The following DENND6A variants were observed in gnomAD, a reference collection of about 807,000 sequenced individuals.
DENND6A encodes protein DENND6A.
In DENND6A, 43 loss-of-function variants were observed where a neutral mutation model predicts 95.5. The observed-to-expected ratio is 0.45, with a 90% CI of 0.35 to 0.58. The LOEUF (loss-of-function observed/expected upper bound fraction) is 0.58, where lower values mean the gene tolerates loss of function less well. Among genes scored for constraint, DENND6A ranks in the 20% least tolerant of loss-of-function variants. The probability of loss-of-function intolerance (pLI) is 0.00; values close to 1 mark genes in which losing one functional copy is unlikely to be tolerated. For synonymous variants in DENND6A, 257 were observed against 260.4 expected (o/e 0.99, Z 0.13); for missense variants, 574 against 736.0 (o/e 0.78, Z 2.55).
In DENND6A at chr3:57,634,811, A is replaced by G. The variant is rs554981812; in HGVS notation, c.1133-42T>C. On this transcript the variant is annotated intron_variant, in intron 12 of 19. Transcript: ENST00000311128. ...AAAGATTTTTATAATTATTCTAATC[A>G]TACATATTACAAAATTGGAACTTTA... 3.4e-6 allele frequency: 5 copies of G among 1,449,486 alleles called. No individual in the cohort carries two copies. The Admixed American group carries it at 1.2e-4, about 34-fold the overall frequency. 89.8% of individuals were successfully genotyped at this position (1,449,486 alleles called of 1,614,324 possible). A position where few individuals can be genotyped will look rare whatever the true frequency, so the allele number is the denominator to read the frequency against.
chr3:57,644,817 A>T (rs1431112205), intron 11 of DENND6A, among the ~76,000 whole-genome samples: 1 of 34,706 alleles, frequency 2.9e-5, no homozygotes, highest in Non-Finnish European at 5.1e-5. Flanking sequence ...AGGGGAGGGG[A>T]GGGGGAAAGA....
intron 1 of DENND6A, among the ~76,000 whole-genome samples, chr3:57,684,415 A>G (rs1303819437): frequency 1.3e-5 from 2 of 152,130 alleles, no homozygotes; most frequent in East Asian, 1.9e-4. Context: ...GTGAGCTGAG[A>G]TCGTGCCACT....
intron 9 of DENND6A, among the ~76,000 whole-genome samples, chr3:57,656,654 T>TA (rs1160131697): frequency 3.3e-5 from 5 of 151,740 alleles, no homozygotes; most frequent in South Asian, 4.1e-4. Flanking sequence ...TTACAAGTCA[T>TA]AAAAAACAAA....
At chr3:57,633,800 G>T (rs946006929) in intron 14 of DENND6A, among the ~76,000 whole-genome samples, 4 of 151,850 alleles carry the variant, frequency 2.6e-5, no homozygotes, top group African/African-American at 9.7e-5. Flanking sequence ...TGAGACAGAA[G>T]AATTGCTTGA....
At chr3:57,680,417 A>G (rs2077153786) in intron 1 of DENND6A, among the ~76,000 whole-genome samples, 1 of 152,200 alleles carries the variant, frequency 6.6e-6, no homozygotes, top group South Asian at 2.1e-4. Flanking sequence ...CATGATTGAG[A>G]TTAATGCTCT....
At chr3:57,664,654 G>A (rs2071497837) in intron 4 of DENND6A, among the ~76,000 whole-genome samples, 1 of 152,216 alleles carries the variant, frequency 6.6e-6, no homozygotes, top group East Asian at 1.9e-4. Flanking sequence ...CCAACATGGT[G>A]AATCCCTGTC....
Position 57,669,796 on chromosome 3 carries a change from C to A in DENND6A, c.319+2460G>T, listed in dbSNP as rs562187297. Reference sequence around the variant, plus strand: ...CAGCACTTTGGAAGCCTGAGGCAGGCGAATCACTTGAGGTCGGGAGTTCAT... The same window carrying A: ...CAGCACTTTGGAAGCCTGAGGCAGGAGAATCACTTGAGGTCGGGAGTTCAT... On this transcript the variant is annotated intron_variant, in intron 3 of 19. Coordinates refer to ENST00000311128, the MANE Select transcript of DENND6A (RefSeq NM_152678.3). Among the ~76,000 whole-genome samples, 13 of 150,026 alleles carry A rather than the reference C, an allele frequency of 8.7e-5. No individual in the cohort carries two copies. In the South Asian group the frequency reaches 2.5e-3, roughly 29 times the overall value.
At chr3:57,669,072 A>G (rs952567296) in intron 3 of DENND6A, among the ~76,000 whole-genome samples, 2 of 152,048 alleles carry the variant, frequency 1.3e-5, no homozygotes. Context: ...GGGTTTCACC[A>G]TGTTGGCCAG....
At chr3:57,670,930 A>C (rs1394706064) in intron 3 of DENND6A, among the ~76,000 whole-genome samples, 1 of 152,236 alleles carries the variant, frequency 6.6e-6, no homozygotes, top group Non-Finnish European at 1.5e-5. Context: ...ATTTTATAAG[A>C]AAAATGTTAA....
At chr3:57,692,025 G>A (rs2077270792) in intron 1 of DENND6A, among the ~76,000 whole-genome samples, 1 of 151,984 alleles carries the variant, frequency 6.6e-6, no homozygotes, top group Admixed American at 6.6e-5. Context: ...TGAGTCGGGA[G>A]TTCGAGACCA....
intron 9 of DENND6A, among the ~76,000 whole-genome samples, chr3:57,655,908 A>G (rs748992359): frequency 5.9e-5 from 9 of 152,246 alleles, no homozygotes; most frequent in Non-Finnish European, 1.2e-4. Flanking sequence ...TGAACTCTAT[A>G]TTAATTTATG....
intron 1 of DENND6A, among the ~76,000 whole-genome samples, chr3:57,673,420 G>A (rs933094598): frequency 8.6e-5 from 13 of 151,988 alleles, no homozygotes; most frequent in African/African-American, 3.1e-4. Flanking sequence ...CAGAGGCTGG[G>A]AAGAGTAGTA....
chr3:57,641,288 ATAT>A (rs1335401294), intron 12 of DENND6A, among the ~76,000 whole-genome samples: 12 of 143,826 alleles, frequency 8.3e-5, no homozygotes, highest in South Asian at 6.3e-4. Flanking sequence ...ATATATTTAA[ATAT>A]TATATATTTA....
chr3:57,673,294 T>G (rs1575857760), intron 1 of DENND6A, among the ~76,000 whole-genome samples: 1 of 146,358 alleles, frequency 6.8e-6, no homozygotes, highest in Admixed American at 6.8e-5. Flanking sequence ...TGGGTAGAAC[T>G]GTTAAGTGAA....
Position 57,626,288 on chromosome 3 carries a change from G to T in DENND6A, c.*1926C>A, listed in dbSNP as rs939591453. 1 of 152,480 alleles carries T rather than the reference G, an allele frequency of 6.6e-6. No homozygotes were observed. Among genetic ancestry groups the T allele is most frequent in the African/African-American group, 2.4e-5 (1 of 41,396 alleles). 9.4% of individuals were successfully genotyped at this position (152,480 alleles called of 1,614,324 possible). On this transcript the variant is annotated 3_prime_UTR_variant, in exon 20 of 20. Coordinates refer to ENST00000311128, the MANE Select transcript of DENND6A (RefSeq NM_152678.3). ...CAGGAATGCCCTTAAGAGTTATATC[G>T]ACAGAGAACAAAAGATAGCTTCTGA...
At chr3:57,645,306 C>T (rs573756351) in intron 11 of DENND6A, among the ~76,000 whole-genome samples, 17 of 151,748 alleles carry the variant, frequency 1.1e-4, no homozygotes, top group Non-Finnish European at 1.9e-4. Flanking sequence ...ACTAAAAATA[C>T]AAAAATTAGC....
At position 57,626,709 on chromosome 3, in the gene DENND6A, CA is replaced by C. The variant is rs929320761; in HGVS notation, c.*1504del. 145 of 136,644 alleles carry C rather than the reference CA, an allele frequency of 1.1e-3. No homozygotes were observed. The highest frequency in any genetic ancestry group is 1.2e-3 in the Non-Finnish European group (74 of 62,796). 8.5% of individuals were successfully genotyped at this position (136,644 alleles called of 1,614,324 possible). On this transcript the variant is annotated 3_prime_UTR_variant, in exon 20 of 20. Coordinates refer to ENST00000311128, the MANE Select transcript of DENND6A (RefSeq NM_152678.3). ...GGGCAACAAGAGCAAAACTCCATCT[CA>C]AAAAAAAAAAAAGTGGCTTCTGTAG...
At chr3:57,683,258 G>A (rs559703654) in intron 1 of DENND6A, among the ~76,000 whole-genome samples, 2 of 152,220 alleles carry the variant, frequency 1.3e-5, no homozygotes, top group South Asian at 2.1e-4. Flanking sequence ...GACCAAAAGA[G>A]TAATTATTTC....
chr3:57,671,181 T>C (rs1298158238), intron 3 of DENND6A, among the ~76,000 whole-genome samples: 1 of 152,172 alleles, frequency 6.6e-6, no homozygotes, highest in African/African-American at 2.4e-5. Context: ...AAAATTTTGT[T>C]TAACTGTCAA....
Sources: allele counts gnomAD v4.1 joint callset (sites outside exome capture counted in the v4.1 genomes callset), GRCh38; gene constraint gnomAD v4.1.1; transcripts MANE v1.5; gene names NCBI Gene and HGNC (gene_info 2026-07-23, HGNC 2026-07-21).